The following VAV3 variants were observed in gnomAD, a reference collection of about 807,000 sequenced individuals.
The protein encoded by VAV3 is vav guanine nucleotide exchange factor 3, also known as guanine nucleotide exchange factor VAV3.
VAV3 carries 94 observed loss-of-function variants against 131.2 expected under a neutral mutation model. The observed-to-expected ratio is 0.72, with a 90% CI of 0.61 to 0.85. The LOEUF (loss-of-function observed/expected upper bound fraction) is 0.85. VAV3 is among the 40% of genes least tolerant of loss of function. The probability of loss-of-function intolerance (pLI) is 0.00; values close to 1 mark genes in which losing one functional copy is unlikely to be tolerated. For synonymous variants in VAV3, 349 were observed against 342.0 expected (o/e 1.02, Z -0.22); for missense variants, 939 against 1,002.7 (o/e 0.94, Z 0.86).
intron 25 of VAV3, 60 bp downstream of exon 25, chr1:107,596,152 T>C: frequency 1.9e-6 from 3 of 1,584,886 alleles, no homozygotes; most frequent in Non-Finnish European, 2.6e-6. Flanking sequence ...AGATGTTTAA[T>C]GTTATTGTGC....
At chr1:107,810,940 T>C (rs1667287943) in intron 2 of VAV3, among the ~76,000 whole-genome samples, 1 of 150,382 alleles carries the variant, frequency 6.6e-6, no homozygotes, top group African/African-American at 2.4e-5. Flanking sequence ...AAGGAAAACA[T>C]TAAAGGTCAA....
At chr1:107,958,068 C>T (rs1344375574) in intron 1 of VAV3, among the ~76,000 whole-genome samples, 1 of 152,134 alleles carries the variant, frequency 6.6e-6, no homozygotes, top group Non-Finnish European at 1.5e-5. Context: ...AACTACTTTA[C>T]ATGAAAAGAT....
intron 2 of VAV3, among the ~76,000 whole-genome samples, chr1:107,781,553 T>G (rs1243904457): frequency 1.3e-5 from 2 of 152,168 alleles, no homozygotes; most frequent in Non-Finnish European, 2.9e-5. Flanking sequence ...TTAAGAAAAT[T>G]TGTTACATAA....
Position 107,760,802 on chromosome 1 carries a change from C to T in VAV3, c.999G>A (p.Lys333=), listed in dbSNP as rs1664366844. ...LLVVPMQRVL[K]YHLLLQELVK... ...TACATACCTGGAGGAGAAGGTGGTA[C>T]TTTAAAACACGTTGCATAGGAACCA... is the stretch of plus-strand genomic sequence containing the variant. The change falls in exon 10 of 27, where the codon AAG becomes AAA. Residue 333 remains lysine, a synonymous_variant. Coordinates refer to ENST00000370056, the MANE Select transcript of VAV3 (RefSeq NM_006113.5). 1.2e-6 allele frequency: 2 copies of T among 1,613,382 alleles called. No individual in the cohort carries two copies. Among genetic ancestry groups the T allele is most frequent in the Admixed American group, 1.7e-5 (1 of 60,010 alleles).
In VAV3 at chr1:107,642,499, T is replaced by G. The variant is rs1242802303; in HGVS notation, c.1914+120A>C. The G allele has an allele frequency of 8.4e-6, 10 of 1,194,028 alleles. No individual in the cohort carries two copies. The South Asian group carries it at 1.4e-4, about 17-fold the overall frequency. 74.0% of individuals were successfully genotyped at this position (1,194,028 alleles called of 1,614,324 possible). A position where few individuals can be genotyped will look rare whatever the true frequency, so the allele number is the denominator to read the frequency against. The stretch of plus-strand genomic sequence containing the variant: ...AGTAGCCATTCTTTTATTCCTTTAC[T>G]TTCTTAATCAACTTGCTTTTGCTTT... On this transcript the variant is annotated intron_variant, in intron 20 of 26. Coordinates refer to ENST00000370056, the MANE Select transcript of VAV3 (RefSeq NM_006113.5).
At chr1:107,941,483 A>T (rs1004673034) in intron 1 of VAV3, among the ~76,000 whole-genome samples, 3 of 152,180 alleles carry the variant, frequency 2.0e-5, no homozygotes, top group African/African-American at 7.2e-5. Flanking sequence ...ACTTCTTTTG[A>T]TTCCAGAACC....
intron 7 of VAV3, 77 bp downstream of exon 7, chr1:107,768,364 A>G: frequency 9.3e-7 from 1 of 1,073,828 alleles, no homozygotes; most frequent in South Asian, 1.6e-5. Flanking sequence ...GTATTAAAAT[A>G]GGGATCTGGA....
chr1:107,791,384 C>CAAAA (rs11358290), intron 2 of VAV3, among the ~76,000 whole-genome samples: 1 of 145,682 alleles, frequency 6.9e-6, no homozygotes, highest in Non-Finnish European at 1.5e-5. Flanking sequence ...TTGGTGATAT[C>CAAAA]AAAAAAAAAA....
intron 1 of VAV3, among the ~76,000 whole-genome samples, chr1:107,935,152 T>C (rs1025883860): frequency 6.6e-6 from 1 of 152,236 alleles, no homozygotes; most frequent in Admixed American, 6.5e-5. Flanking sequence ...GTCTTCTCCA[T>C]TTGGGGGCAA....
intron 15 of VAV3, among the ~76,000 whole-genome samples, chr1:107,743,134 G>A (rs1359490856): frequency 6.6e-6 from 1 of 152,150 alleles, no homozygotes; most frequent in Non-Finnish European, 1.5e-5. Flanking sequence ...AAGATGGGTG[G>A]GATAAAACCA....
chr1:107,926,590 T>A (rs1673169385), intron 1 of VAV3, among the ~76,000 whole-genome samples: 1 of 151,362 alleles, frequency 6.6e-6, no homozygotes, highest in Non-Finnish European at 1.5e-5. Context: ...CCCCATCTCC[T>A]GGTAGTAGCT....
chr1:107,812,046 C>G (rs1330875422), intron 2 of VAV3, among the ~76,000 whole-genome samples: 1 of 152,122 alleles, frequency 6.6e-6, no homozygotes, highest in Non-Finnish European at 1.5e-5. Flanking sequence ...TAACAGCAAG[C>G]ACTGAAGTAA....
rs368685899 is a variant in VAV3 at position 107,713,419 on chromosome 1, T to C, written c.1503-8358A>G. Among the ~76,000 whole-genome samples the C allele has an allele frequency of 7.9e-5, 12 of 151,848 alleles. No individual in the cohort carries two copies. The East Asian group carries it at 9.7e-4, about 12-fold the overall frequency. ...AGCAGAAAAATGTTTAGAATATGTATGGTAAAAGATTAATCTCCTTGCAAT... is the reference window on the plus strand; with the variant it reads ...AGCAGAAAAATGTTTAGAATATGTACGGTAAAAGATTAATCTCCTTGCAAT... On this transcript the variant is annotated intron_variant, in intron 15 of 26. Transcript: ENST00000370056.
intron 1 of VAV3, among the ~76,000 whole-genome samples, chr1:107,944,271 T>C (rs1348723552): frequency 1.3e-5 from 2 of 152,234 alleles, no homozygotes; most frequent in African/African-American, 4.8e-5. Flanking sequence ...CTTGGAGACA[T>C]GACCTACTCT....
chr1:107,610,195 T>G (rs1478262503), intron 21 of VAV3, among the ~76,000 whole-genome samples: 1 of 152,170 alleles, frequency 6.6e-6, no homozygotes, highest in African/African-American at 2.4e-5. Context: ...CCACTGTAAC[T>G]CTAAGAGGAG....
chr1:107,888,969 G>A (rs1671176372), intron 1 of VAV3, among the ~76,000 whole-genome samples: 1 of 152,088 alleles, frequency 6.6e-6, no homozygotes, highest in Non-Finnish European at 1.5e-5. Flanking sequence ...CTTAGAGAAG[G>A]TAAGTAACCT....
intron 21 of VAV3, among the ~76,000 whole-genome samples, chr1:107,614,325 T>G (rs1042979850): frequency 6.6e-6 from 1 of 152,066 alleles, no homozygotes; most frequent in Admixed American, 6.6e-5. Context: ...GAAAATAAAT[T>G]TTAAGCCCAG....
intron 15 of VAV3, among the ~76,000 whole-genome samples, chr1:107,712,037 G>C (rs951359866): frequency 1.3e-5 from 2 of 151,994 alleles, no homozygotes; most frequent in African/African-American, 4.8e-5. Context: ...TAAGAAAATG[G>C]AATATTTTAT....
intron 19 of VAV3, among the ~76,000 whole-genome samples, chr1:107,646,157 C>T (rs1295291756): frequency 3.3e-5 from 5 of 152,024 alleles, no homozygotes; most frequent in African/African-American, 4.8e-5. Context: ...TGCAAAGTAG[C>T]GTAAACTACA....
Sources: gnomAD v4.1 joint callset for allele counts (sites outside exome capture counted in the v4.1 genomes callset) on GRCh38, gnomAD v4.1.1 for gene constraint, MANE v1.5 for transcripts, NCBI Gene and HGNC (gene_info 2026-07-23, HGNC 2026-07-21) for gene names.